Variants in TSPAN18 observed in about 807,000 individuals in gnomAD.
The protein encoded by TSPAN18 is tetraspanin-18.
A neutral mutation model predicts 27.3 loss-of-function variants in TSPAN18; 14 were observed. That is an observed-to-expected ratio of 0.51 (90% CI 0.34 to 0.80). TSPAN18 has a LOEUF of 0.80. TSPAN18 is among the 30% of genes least tolerant of loss of function. The pLI, the probability that TSPAN18 is intolerant of heterozygous loss-of-function variation, is 0.01. For missense variants in TSPAN18, 268 were observed against 323.9 expected (o/e 0.83, Z 1.32); for synonymous variants, 143 against 136.5 (o/e 1.05, Z -0.33).
chr11:44,879,031 T>G (rs1364382042), intron 3 of TSPAN18, among the ~76,000 whole-genome samples: 1 of 152,204 alleles, frequency 6.6e-6, no homozygotes, highest in Non-Finnish European at 1.5e-5. Flanking sequence ...AGCCCTGAAC[T>G]TCAAAGGGCC....
intron 5 of TSPAN18, among the ~76,000 whole-genome samples, chr11:44,911,424 A>G (rs1193828237): frequency 6.6e-6 from 1 of 152,110 alleles, no homozygotes; most frequent in Non-Finnish European, 1.5e-5. Flanking sequence ...AATGAGTGAC[A>G]AGGAGCCTTG....
chr11:44,906,318 C>A, intron 3 of TSPAN18, 89 bp from the exon 4 acceptor site: 1 of 1,155,370 alleles, frequency 8.7e-7, no homozygotes, highest in Non-Finnish European at 1.3e-6. Context: ...AAGGGTGGGG[C>A]TGGCTGCGGG....
chr11:44,837,764 C>T (rs986878918), intron 2 of TSPAN18, among the ~76,000 whole-genome samples: 1 of 152,246 alleles, frequency 6.6e-6, no homozygotes, highest in South Asian at 2.1e-4. Context: ...CCAGCAAAAA[C>T]ATTACTACTT....
At chr11:44,863,271 G>C (rs757026489) in intron 3 of TSPAN18, among the ~76,000 whole-genome samples, 42 of 152,232 alleles carry the variant, frequency 2.8e-4, no homozygotes, top group Admixed American at 9.2e-4. Context: ...AGGCCTGGCA[G>C]TGGGACCCTG....
intron 1 of TSPAN18, among the ~76,000 whole-genome samples, chr11:44,734,541 A>G (rs1453390537): frequency 6.6e-6 from 1 of 152,214 alleles, no homozygotes; most frequent in African/African-American, 2.4e-5. Flanking sequence ...TTGGCAAGGG[A>G]ACAGTGCCTG....
At chr11:44,869,719 C>T (rs1000904328) in intron 3 of TSPAN18, among the ~76,000 whole-genome samples, 1 of 152,232 alleles carries the variant, frequency 6.6e-6, no homozygotes, top group Non-Finnish European at 1.5e-5. Context: ...ATGCCCTGAG[C>T]TGTCACACGG....
chr11:44,883,986 C>T (rs1858566327), intron 3 of TSPAN18, among the ~76,000 whole-genome samples: 1 of 152,236 alleles, frequency 6.6e-6, no homozygotes, highest in Non-Finnish European at 1.5e-5. Context: ...TTAGCAAGCA[C>T]TCTGTATTAA....
upstream of TSPAN18, chr11:44,726,856 G>A (rs994793913): frequency 4.0e-5 from 3 of 74,296 alleles, no homozygotes; most frequent in African/African-American, 1.1e-4. Context: ...CGGCAGCAAC[G>A]GCGTCTGGAG....
At chr11:44,810,671 G>A (rs1198066676) in intron 2 of TSPAN18, among the ~76,000 whole-genome samples, 2 of 148,060 alleles carry the variant, frequency 1.4e-5, no homozygotes, top group African/African-American at 2.5e-5. Flanking sequence ...ACTCGATCTC[G>A]GCTTATGGCT....
At chr11:44,812,311 G>A (rs902390472) in intron 2 of TSPAN18, among the ~76,000 whole-genome samples, 5 of 152,222 alleles carry the variant, frequency 3.3e-5, no homozygotes, top group African/African-American at 9.6e-5. Context: ...GTGCTAGCTT[G>A]TAATGTGCTC....
intron 3 of TSPAN18, among the ~76,000 whole-genome samples, chr11:44,867,092 G>A (rs2135229168): frequency 6.6e-6 from 1 of 152,286 alleles, no homozygotes; most frequent in South Asian, 2.1e-4. Flanking sequence ...GGTTTAAATA[G>A]TGGTTCTCAA....
At chr11:44,784,884 G>A (rs1018473336) in intron 2 of TSPAN18, among the ~76,000 whole-genome samples, 2 of 152,190 alleles carry the variant, frequency 1.3e-5, no homozygotes, top group Admixed American at 1.3e-4. Context: ...AGCAGATCTG[G>A]TTTTGAATAT....
chr11:44,917,737 A>G (rs1859965262), intron 5 of TSPAN18: 2 of 561,418 alleles, frequency 3.6e-6, no homozygotes, highest in Non-Finnish European at 3.2e-6. Context: ...TACCATTTGC[A>G]TGGAAGGTAT....
chr11:44,875,308 C>T (rs949282880), intron 3 of TSPAN18, among the ~76,000 whole-genome samples: 18 of 152,192 alleles, frequency 1.2e-4, no homozygotes, highest in African/African-American at 4.3e-4. Context: ...GGGTTGTGGG[C>T]ATTTCGGTGG....
In TSPAN18 at chr11:44,781,671, C is replaced by A. The variant is rs2863119; in HGVS notation, c.-153+17159C>A. On this transcript the variant is annotated intron_variant, in intron 2 of 9. Transcript: ENST00000520358. ...GCCTGAGTACCTTCATACACACTTA[C>A]CCAGCAACTTTTTTCCTTTTCCCCC... is the stretch of plus-strand genomic sequence containing the variant. 8.8e-3 allele frequency among the ~76,000 whole-genome samples: 1,344 copies of A among 152,296 alleles called. 16 individuals carry two copies. Among genetic ancestry groups the A allele is most frequent in the African/African-American group, 0.029 (1,220 of 41,562 alleles).
At chr11:44,770,487 GC>G (rs890889008) in intron 2 of TSPAN18, among the ~76,000 whole-genome samples, 232 of 152,292 alleles carry the variant, frequency 1.5e-3, no homozygotes, top group African/African-American at 5.3e-3. Context: ...ATGCTGGGGT[GC>G]TACACCCAGG....
At chr11:44,814,238 A>AT (rs5791648) in intron 2 of TSPAN18, among the ~76,000 whole-genome samples, 30,004 of 151,534 alleles carry the variant, frequency 0.2, 3,420 homozygotes, top group Non-Finnish European at 0.26. Flanking sequence ...CAGAATAAGG[A>AT]TTTTTTTTTT....
At chr11:44,898,109 G>C (rs1859128837) in intron 3 of TSPAN18, among the ~76,000 whole-genome samples, 1 of 152,210 alleles carries the variant, frequency 6.6e-6, no homozygotes, top group South Asian at 2.1e-4. Flanking sequence ...CTAGAAATAA[G>C]CCAGTGAACA....
chr11:44,759,448 G>GA (rs1855401401), intron 1 of TSPAN18, among the ~76,000 whole-genome samples: 1 of 152,208 alleles, frequency 6.6e-6, no homozygotes, highest in South Asian at 2.1e-4. Flanking sequence ...AGGGTCTAGA[G>GA]AAAATTATAC....
Sources: allele counts gnomAD v4.1 joint callset (sites outside exome capture counted in the v4.1 genomes callset), GRCh38; gene constraint gnomAD v4.1.1; transcripts MANE v1.5; gene names NCBI Gene and HGNC (gene_info 2026-07-23, HGNC 2026-07-21).